The following AFAP1 variants were observed in gnomAD, a reference collection of about 807,000 sequenced individuals.
The protein encoded by AFAP1 is actin filament associated protein 1.
A neutral mutation model predicts 93.9 loss-of-function variants in AFAP1; 75 were observed. The ratio of observed to expected loss-of-function variants is 0.80; its 90% CI spans 0.66 to 0.97. The LOEUF is 0.97. AFAP1 is among the 50% of genes least tolerant of loss of function. AFAP1 has a pLI of 0.00. For synonymous variants in AFAP1, 517 were observed against 430.7 expected (o/e 1.20, Z -2.48); for missense variants, 1,201 against 1,050.8 (o/e 1.14, Z -1.98).
chr4:7,890,428 A>G (rs1360570798), intron 1 of AFAP1, among the ~76,000 whole-genome samples: 1 of 152,254 alleles, frequency 6.6e-6, no homozygotes, highest in Non-Finnish European at 1.5e-5. Flanking sequence ...AGACGTCTCA[A>G]TGAAAACATA....
intron 10 of AFAP1, among the ~76,000 whole-genome samples, chr4:7,794,314 T>C (rs1158146812): frequency 6.6e-6 from 1 of 152,220 alleles, no homozygotes; most frequent in African/African-American, 2.4e-5. Flanking sequence ...AATGGTCATT[T>C]AGTTTCTTGA....
intron 1 of AFAP1, among the ~76,000 whole-genome samples, chr4:7,935,203 T>C (rs796221274): frequency 1.3e-5 from 2 of 152,328 alleles, no homozygotes; most frequent in African/African-American, 4.8e-5. Context: ...AAAATTCCAT[T>C]ACATTCATGA....
intron 9 of AFAP1, among the ~76,000 whole-genome samples, 173 bp from the exon 10 acceptor site, chr4:7,800,826 C>T (rs566557055): frequency 3.3e-5 from 5 of 152,324 alleles, no homozygotes; most frequent in South Asian, 2.1e-4. Context: ...GCCGTGGCTA[C>T]GGCATCACAA....
chr4:7,832,616 A>G (rs1223185198), intron 6 of AFAP1, among the ~76,000 whole-genome samples: 3 of 151,950 alleles, frequency 2.0e-5, no homozygotes, highest in Non-Finnish European at 4.4e-5. Context: ...TAGAAAAGCA[A>G]GATAACCGTC....
chr4:7,867,700 C>T (rs530047221), intron 3 of AFAP1, among the ~76,000 whole-genome samples: 2 of 152,248 alleles, frequency 1.3e-5, no homozygotes, highest in East Asian at 1.9e-4. Flanking sequence ...TGATAAGAAG[C>T]GTTAGGGGTT....
intron 16 of AFAP1, 121 bp downstream of exon 16, chr4:7,772,699 G>T: frequency 2.3e-6 from 2 of 873,444 alleles, no homozygotes; most frequent in Non-Finnish European, 3.4e-6. Context: ...CTTCTGCTGG[G>T]CACACTAAGG....
At chr4:7,827,046 T>TA (rs1034269459) in intron 6 of AFAP1, among the ~76,000 whole-genome samples, 1 of 151,828 alleles carries the variant, frequency 6.6e-6, no homozygotes, top group African/African-American at 2.4e-5. Flanking sequence ...GGAAACGATT[T>TA]AAAAAAGAAA....
At chr4:7,880,237 C>T (rs1717761081) in intron 1 of AFAP1, among the ~76,000 whole-genome samples, 1 of 150,070 alleles carries the variant, frequency 6.7e-6, no homozygotes, top group Non-Finnish European at 1.5e-5. Flanking sequence ...ATGACTCAAT[C>T]ATGGATTTGA....
At chr4:7,807,788 G>A (rs1719657408) in intron 9 of AFAP1, among the ~76,000 whole-genome samples, 1 of 152,194 alleles carries the variant, frequency 6.6e-6, no homozygotes. Flanking sequence ...AGCTGCCGAG[G>A]AGCTGAGACT....
chr4:7,935,710 C>T (rs986911393), intron 1 of AFAP1, among the ~76,000 whole-genome samples: 1 of 152,004 alleles, frequency 6.6e-6, no homozygotes, highest in Non-Finnish European at 1.5e-5. Flanking sequence ...CTCTAGGATA[C>T]AATACCAATG....
chr4:7,857,454 T>A (rs1715195658), intron 3 of AFAP1, among the ~76,000 whole-genome samples: 1 of 152,098 alleles, frequency 6.6e-6, no homozygotes, highest in Non-Finnish European at 1.5e-5. Flanking sequence ...CCGCCCCCCG[T>A]CCTTGTTCCC....
Position 7,774,561 on chromosome 4 carries a change from A to G in AFAP1, c.2062+178T>C, listed in dbSNP as rs991437584. 5 of 969,930 alleles carry G rather than the reference A, an allele frequency of 5.2e-6. No individual in the cohort carries two copies. In the African/African-American group the frequency reaches 8.3e-5, roughly 16 times the overall value. The allele number at this position is 969,930 out of a possible 1,614,324, so 60.1% of individuals were successfully genotyped here. A position where few individuals can be genotyped will look rare whatever the true frequency, so the allele number is the denominator to read the frequency against. Reference sequence around the variant, plus strand: ...ACGCCGCATGTTTGACCACACAGGCACCTGCCTCGGGGTTACCAGCAATGT... The same window carrying G: ...ACGCCGCATGTTTGACCACACAGGCGCCTGCCTCGGGGTTACCAGCAATGT... On this transcript the variant is annotated intron_variant, in intron 15 of 17. Coordinates refer to ENST00000420658, the MANE Select transcript of AFAP1 (RefSeq NM_001134647.2).
At chr4:7,923,485 TTC>T (rs550216379) in intron 1 of AFAP1, among the ~76,000 whole-genome samples, 1 of 152,156 alleles carries the variant, frequency 6.6e-6, no homozygotes, top group Non-Finnish European at 1.5e-5. Context: ...CTTTCTCCTC[TTC>T]TTTTTTATTT....
At chr4:7,892,513 C>A (rs536538942) in intron 1 of AFAP1, among the ~76,000 whole-genome samples, 3 of 152,212 alleles carry the variant, frequency 2.0e-5, no homozygotes, top group African/African-American at 7.2e-5. Context: ...ATGCTGCCAG[C>A]TGTGAGATGC....
Position 7,809,628 on chromosome 4 carries a change from T to C in AFAP1, c.1040A>G (p.Asp347Gly). 1 of 1,612,618 alleles carries C rather than the reference T, an allele frequency of 6.2e-7. No homozygotes were observed. Among genetic ancestry groups the C allele is most frequent in the Non-Finnish European group, 8.5e-7 (1 of 1,179,632 alleles). ...CGCAGTCTTACCGCAGGTGGGAACA[T>C]CTTCCTCAGCTGAGGAGGTCTGCTC... The part of the protein sequence containing the change: ...TDEQTSSAEE[D>G]VPTCGYLNVL... Residue 347 changes from aspartate to glycine, a missense_variant, in exon 9 of 18, where the codon GAT becomes GGT. Transcript: ENST00000420658.
chr4:7,763,021 A>T lies in AFAP1; in HGVS notation c.*744T>A, dbSNP rs899980198. 2 of 152,304 alleles carry T rather than the reference A, an allele frequency of 1.3e-5. No individual in the cohort carries two copies. Among genetic ancestry groups the T allele is most frequent in the African/African-American group, 2.4e-5 (1 of 41,442 alleles). The allele number at this position is 152,304 out of a possible 1,614,324, so 9.4% of individuals were successfully genotyped here. On this transcript the variant is annotated 3_prime_UTR_variant, in exon 18 of 18. Coordinates refer to ENST00000420658, the MANE Select transcript of AFAP1 (RefSeq NM_001134647.2). ...CTGCTACCTGTCAAAAGCAGCACAA[A>T]TAATTAATTAATAAAATAAGGAACC...
rs1394597170 is a variant in AFAP1 at position 7,770,578 on chromosome 4, G to A, written c.2254-1570C>T. 2.6e-5 allele frequency among the ~76,000 whole-genome samples: 4 copies of A among 152,206 alleles called. No individual in the cohort carries two copies. The East Asian group carries it at 7.7e-4, about 29-fold the overall frequency. Reference sequence around the variant, plus strand: ...ACCAGGGGGAGCAGGAGGCCAGGCAGAACCTTCTTTTTTTTAAGGATGGAT... The same window carrying A: ...ACCAGGGGGAGCAGGAGGCCAGGCAAAACCTTCTTTTTTTTAAGGATGGAT... On this transcript the variant is annotated intron_variant, in intron 16 of 17. Coordinates refer to ENST00000420658, the MANE Select transcript of AFAP1 (RefSeq NM_001134647.2).
At chr4:7,763,916 T>TCAATGAC (rs1230202044) in intron 17 of AFAP1, 125 bp from the exon 18 acceptor site, 3 of 891,454 alleles carry the variant, frequency 3.4e-6, no homozygotes, top group South Asian at 1.5e-5. Flanking sequence ...CTCAACAGAA[T>TCAATGAC]CAATGACCAA....
At chr4:7,877,966 C>T (rs1404153837) in intron 1 of AFAP1, among the ~76,000 whole-genome samples, 1 of 152,128 alleles carries the variant, frequency 6.6e-6, no homozygotes, top group South Asian at 2.1e-4. Flanking sequence ...TGGTGCCTGA[C>T]TACGTTCAAC....
Sources: gnomAD v4.1 joint callset for allele counts (sites outside exome capture counted in the v4.1 genomes callset) on GRCh38, gnomAD v4.1.1 for gene constraint, MANE v1.5 for transcripts, NCBI Gene and HGNC (gene_info 2026-07-23, HGNC 2026-07-21) for gene names.